The following ELAVL2 variants were observed in gnomAD, a reference collection of about 807,000 sequenced individuals.
ELAVL2 encodes the protein ELAV-like protein 2.
In ELAVL2, 4 loss-of-function variants were observed where a neutral mutation model predicts 34.6. That is an observed-to-expected ratio of 0.12 (90% confidence interval 0.06 to 0.26). The LOEUF is 0.26. ELAVL2 is among the 10% of genes least tolerant of loss of function. ELAVL2 has a pLI of 1.00. For missense variants in ELAVL2, 432 were observed against 442.8 expected (o/e 0.98, Z 0.22); for synonymous variants, 193 against 154.8 (o/e 1.25, Z -1.83).
At chr9:23,726,205 A>G (rs1447163080) in intron 3 of ELAVL2, among the ~76,000 whole-genome samples, 1 of 152,152 alleles carries the variant, frequency 6.6e-6, no homozygotes, top group Non-Finnish European at 1.5e-5. Context: ...GGTTTGCTTA[A>G]TCACTCTCAA....
intron 1 of ELAVL2, among the ~76,000 whole-genome samples, chr9:23,786,539 T>C (rs150779548): frequency 6.6e-6 from 1 of 152,162 alleles, no homozygotes; most frequent in Non-Finnish European, 1.5e-5. Flanking sequence ...AATAAAAATG[T>C]ACCTATTAAA....
chr9:23,796,950 A>T lies in ELAVL2; in HGVS notation c.-16+28856T>A, dbSNP rs1038721716. ...TAAGGATGCATTTGAGAGATAGCTA[A>T]CTATAAAGAATGAGGACAGGGACAA... On this transcript the variant is annotated intron_variant, in intron 1 of 6. Transcript: ENST00000397312. Among the ~76,000 whole-genome samples, 4 of 150,992 alleles carry T rather than the reference A, an allele frequency of 2.6e-5. No individual in the cohort carries two copies. In the South Asian group the frequency reaches 8.3e-4, roughly 31 times the overall value.
chr9:23,792,094 T>A (rs2060393675), intron 1 of ELAVL2, among the ~76,000 whole-genome samples: 1 of 152,236 alleles, frequency 6.6e-6, no homozygotes, highest in African/African-American at 2.4e-5. Context: ...ACCATCATTC[T>A]ATTTTTCACT....
In ELAVL2 at chr9:23,822,156, C is replaced by A. The variant is rs1377514333; in HGVS notation, c.-16+3650G>T. 2.0e-5 allele frequency among the ~76,000 whole-genome samples: 3 copies of A among 152,096 alleles called. 1 individual carries two copies. The highest frequency in any genetic ancestry group is 2.0e-4 in the Admixed American group (3 of 15,260). ...GCTAACGGGGAGTCAGAGCAGCTAA[C>A]GTGGGGGTTACTTTATGTGTTCATA... On this transcript the variant is annotated intron_variant, in intron 1 of 6. Coordinates refer to ENST00000397312, the MANE Select transcript of ELAVL2 (RefSeq NM_004432.5).
At chr9:23,744,148 G>T (rs1205448697) in intron 2 of ELAVL2, among the ~76,000 whole-genome samples, 1 of 152,160 alleles carries the variant, frequency 6.6e-6, no homozygotes, top group Non-Finnish European at 1.5e-5. Flanking sequence ...TGTGGGAAAA[G>T]AAACTGCACT....
intron 1 of ELAVL2, among the ~76,000 whole-genome samples, chr9:23,794,317 G>A (rs894388321): frequency 5.3e-5 from 8 of 152,126 alleles, no homozygotes; most frequent in African/African-American, 1.9e-4. Context: ...AACACTGAGT[G>A]CCCAAAAGGG....
upstream of ELAVL2, chr9:23,826,280 A>C (rs760569508): frequency 3.9e-5 from 6 of 152,376 alleles, no homozygotes; most frequent in Non-Finnish European, 7.3e-5. Context: ...ATAGCACCGT[A>C]TCACCAACCC....
At chr9:23,704,147 G>GTTTTTTTTTTTTTTTTTTTTTTTTT (rs1563965142) in intron 4 of ELAVL2, among the ~76,000 whole-genome samples, 3 of 151,902 alleles carry the variant, frequency 2.0e-5, no homozygotes, top group East Asian at 1.9e-4. Flanking sequence ...GGTCACGCTG[G>GTTTTTTTTTTTTTTTTTTTTTTTTT]TCTTGAACTC....
chr9:23,718,582 G>T (rs1486541452), intron 3 of ELAVL2, among the ~76,000 whole-genome samples: 1 of 152,134 alleles, frequency 6.6e-6, no homozygotes, highest in Non-Finnish European at 1.5e-5. Context: ...TATGATAAAG[G>T]AGAAAGCAAG....
intron 1 of ELAVL2, among the ~76,000 whole-genome samples, chr9:23,801,284 A>C (rs1321091385): frequency 2.0e-5 from 3 of 152,188 alleles, no homozygotes; most frequent in Non-Finnish European, 4.4e-5. Context: ...CTGCTGCTTT[A>C]TTTCTTTTAA....
chr9:23,781,498 A>G (rs569947146), intron 1 of ELAVL2, among the ~76,000 whole-genome samples: 1 of 151,538 alleles, frequency 6.6e-6, no homozygotes, highest in South Asian at 2.1e-4. Flanking sequence ...TATTTAAGAA[A>G]AGTTTCTTTT....
intron 1 of ELAVL2, among the ~76,000 whole-genome samples, chr9:23,809,992 A>G (rs1004849782): frequency 7.2e-5 from 11 of 152,302 alleles, no homozygotes; most frequent in African/African-American, 2.2e-4. Context: ...TCTCAGAACA[A>G]AAAGTAGTAT....
At chr9:23,779,427 G>A in intron 1 of ELAVL2, 2 of 985,230 alleles carry the variant, frequency 2.0e-6, no homozygotes, top group Non-Finnish European at 2.4e-6. Context: ...GAAGATCTGG[G>A]AGGTGGCTGA....
At chr9:23,773,067 A>T (rs1588340558) in intron 1 of ELAVL2, among the ~76,000 whole-genome samples, 1 of 152,152 alleles carries the variant, frequency 6.6e-6, no homozygotes, top group Admixed American at 6.5e-5. Flanking sequence ...TTCAAGAAAA[A>T]AAAGTGGGGG....
intron 3 of ELAVL2, among the ~76,000 whole-genome samples, chr9:23,724,357 G>C (rs1378237546): frequency 2.6e-5 from 4 of 152,124 alleles, no homozygotes; most frequent in Admixed American, 6.6e-5. Flanking sequence ...AGAATGCCTA[G>C]TTATTGCCCT....
intron 5 of ELAVL2, among the ~76,000 whole-genome samples, chr9:23,696,737 TG>T (rs1348487788): frequency 7.9e-5 from 12 of 152,142 alleles, no homozygotes; most frequent in Admixed American, 2.6e-4. Flanking sequence ...CCCAAAGTGC[TG>T]GGATTACAGG....
intron 1 of ELAVL2, among the ~76,000 whole-genome samples, chr9:23,806,014 G>C (rs17484841): frequency 0.14 from 21,234 of 151,858 alleles, 1,870 homozygotes; most frequent in Middle Eastern, 0.2. Flanking sequence ...ACTGCAAACA[G>C]ATACCATAAA....
In ELAVL2 at chr9:23,778,584, A is replaced by G. The variant is rs187186033; in HGVS notation, c.-15-16335T>C. 6.6e-4 allele frequency among the ~76,000 whole-genome samples: 101 copies of G among 152,288 alleles called. No individual in the cohort carries two copies. In the East Asian group the frequency reaches 0.014, roughly 21 times the overall value. ...CAGCCTTAATGTTCCGGCCCCTGCA[A>G]GGGCTGGATTTTAAGTAAAAGAGTA... is the stretch of plus-strand genomic sequence containing the variant. On this transcript the variant is annotated intron_variant, in intron 1 of 6. Transcript: ENST00000397312.
At chr9:23,766,565 CCT>C (rs3838726) in intron 1 of ELAVL2, among the ~76,000 whole-genome samples, 55,804 of 151,718 alleles carry the variant, frequency 0.37, 10,561 homozygotes, top group African/African-American at 0.45. Context: ...TATTGACACC[CCT>C]CTTTCTGAAA....
Sources: gnomAD v4.1 joint callset for allele counts (sites outside exome capture counted in the v4.1 genomes callset) on GRCh38, gnomAD v4.1.1 for gene constraint, MANE v1.5 for transcripts, NCBI Gene and HGNC (gene_info 2026-07-23, HGNC 2026-07-21) for gene names.